Variants in RNF43 observed in about 807,000 individuals in gnomAD.
RNF43 encodes the protein ring finger protein 43, also known as E3 ubiquitin-protein ligase RNF43.
RNF43 carries 37 observed loss-of-function variants against 78.4 expected under a neutral mutation model. That is an observed-to-expected ratio of 0.47 (90% CI 0.36 to 0.62). RNF43 has a LOEUF of 0.62. Ranked by LOEUF, RNF43 falls within the 20% of genes least tolerant of loss-of-function variation. The pLI, the probability that RNF43 is intolerant of heterozygous loss-of-function variation, is 0.00. For missense variants in RNF43, 774 were observed against 1,007.9 expected, an observed-to-expected ratio of 0.77 and a Z score of 3.14; for synonymous variants, 347 against 395.0, an observed-to-expected ratio of 0.88 and a Z score of 1.44.
intron 2 of RNF43, among the ~76,000 whole-genome samples, chr17:58,409,629 T>C (rs1336710795): frequency 6.6e-6 from 1 of 152,096 alleles, no homozygotes; most frequent in Non-Finnish European, 1.5e-5. Context: ...CACCTTAGCC[T>C]CTCACGGTGC....
rs2143365033 is a variant in RNF43, at chr17:58,354,982, T to G, written c.2313A>C (p.Ser771=). The G allele has an allele frequency of 6.2e-7, 1 of 1,613,986 alleles. No individual in the cohort carries two copies. Among genetic ancestry groups the G allele is most frequent in the Non-Finnish European group, 8.5e-7 (1 of 1,179,892 alleles). Residue 771 remains serine, a synonymous_variant, in exon 10 of 10, where the codon TCA becomes TCC. Transcript: ENST00000407977. ...CACACAGCTCCTCGAGTTCCTCCTC[T>G]GAGCCTGTATTTAGAGAGCGGGGAG... The part of the protein sequence containing the change: ...HCQVLSAQPG[S]EEELEELCEQ...
chr17:58,399,643 ATTT>A (rs1370117543), intron 2 of RNF43, among the ~76,000 whole-genome samples: 1 of 142,658 alleles, frequency 7.0e-6, no homozygotes, highest in African/African-American at 2.6e-5. Context: ...AGTAGCAGCA[ATTT>A]TTTTTTTTTT....
intron 8 of RNF43, among the ~76,000 whole-genome samples, chr17:58,359,392 C>T (rs565816576): frequency 6.1e-5 from 9 of 148,300 alleles, no homozygotes; most frequent in Non-Finnish European, 1.2e-4. Flanking sequence ...GTCAGGAGAT[C>T]GAGACCATCC....
At chr17:58,399,007 C>A (rs1027183047) in intron 2 of RNF43, among the ~76,000 whole-genome samples, 1 of 152,216 alleles carries the variant, frequency 6.6e-6, no homozygotes, top group African/African-American at 2.4e-5. Context: ...TCTCCAGGTC[C>A]TCCCCACGCC....
In RNF43 at chr17:58,357,359, G is replaced by T; in HGVS notation, c.2308+109C>A. On this transcript the variant is annotated intron_variant, in intron 9 of 9. Transcript: ENST00000407977. This position sits in a 1 kb window ranked among gnomAD's most constrained non-coding sequence, Gnocchi z 4.5. ...AAGTATTTTGGTTGTCATCTCTGCT[G>T]TATCCTTCTCAGCTTCCATCAACCC... 7.1e-7 allele frequency: 1 copy of T among 1,401,796 alleles called. No individual in the cohort carries two copies. The allele number at this position is 1,401,796 out of a possible 1,614,324, so 86.8% of individuals were successfully genotyped here.
downstream of RNF43, chr17:58,352,942 C>T (rs1408621897): frequency 2.3e-5 from 5 of 214,586 alleles, no homozygotes; most frequent in African/African-American, 1.1e-4. Flanking sequence ...ACCACCACCC[C>T]TACCAAACCT....
intron 2 of RNF43, chr17:58,402,623 T>A (rs906192075): frequency 6.6e-6 from 1 of 152,200 alleles, no homozygotes; most frequent in Non-Finnish European, 1.5e-5. Context: ...AAATATTCAA[T>A]GAATCATTGT....
chr17:58,357,012 G>A lies in RNF43; in HGVS notation c.2308+456C>T, dbSNP rs1972697786. On this transcript the variant is annotated intron_variant, in intron 9 of 9. Transcript: ENST00000407977. This position sits in a 1 kb window ranked among gnomAD's most constrained non-coding sequence, Gnocchi z 4.5. Reference sequence around the variant, plus strand: ...AGGTTCACGCGATTCTCCTGCCTCAGCCTCCTGAGTAGCTGGGATTATAAG... The same window carrying A: ...AGGTTCACGCGATTCTCCTGCCTCAACCTCCTGAGTAGCTGGGATTATAAG... 3.7e-6 allele frequency: 2 copies of A among 540,764 alleles called. No homozygotes were observed. Among genetic ancestry groups the A allele is most frequent in the Admixed American group, 3.2e-5 (1 of 31,524 alleles). 33.5% of individuals were successfully genotyped at this position (540,764 alleles called of 1,614,324 possible).
intron 2 of RNF43, among the ~76,000 whole-genome samples, chr17:58,403,182 A>T (rs1973838874): frequency 6.6e-6 from 1 of 152,210 alleles, no homozygotes. Context: ...ACTGAGGCAC[A>T]TCCAACCAAG....
intron 2 of RNF43, among the ~76,000 whole-genome samples, chr17:58,372,675 G>A (rs1457819278): frequency 6.6e-6 from 1 of 152,216 alleles, no homozygotes; most frequent in African/African-American, 2.4e-5. Flanking sequence ...AACACATCGT[G>A]ATGTTACAAT....
Position 58,357,500 on chromosome 17 carries a change from T to C in RNF43, c.2276A>G (p.Tyr759Cys), listed in dbSNP as rs1450476536. 2 of 1,614,098 alleles carry C rather than the reference T, an allele frequency of 1.2e-6. No individual in the cohort carries two copies. The highest frequency in any genetic ancestry group is 1.7e-5 in the Admixed American group (1 of 60,010). ...GGCCGACAGCACCTGGCAGTGCGGA[T>C]AAGGGCATGGCCTGCCCTCTGCGGT... ...SDTAEGRPCP[Y>C]PHCQVLSAQP... is the part of the protein sequence containing the mutation. Residue 759 changes from tyrosine (Y) to cysteine (C), a missense_variant, in exon 9 of 10, where the codon TAT becomes TGT. Physicochemically the swap from Tyr to Cys is radical, Grantham distance 194 (BLOSUM62 -2). Coordinates refer to ENST00000407977, the MANE Select transcript of RNF43 (RefSeq NM_017763.6). The surrounding 1 kb of genome is among the most constrained non-coding windows in gnomAD (Gnocchi z 4.5).
In RNF43 at chr17:58,357,327, G is replaced by T. The variant is rs553850512; in HGVS notation, c.2308+141C>A. The T allele has an allele frequency of 9.4e-7, 1 of 1,060,492 alleles. No homozygotes were observed. Among genetic ancestry groups the T allele is most frequent in the Non-Finnish European group, 1.4e-6 (1 of 696,452 alleles). 65.7% of individuals were successfully genotyped at this position (1,060,492 alleles called of 1,614,324 possible). ...TCTAGCCAGCATGATACGCTGTCCC[G>T]ATGGTTAAGTATTTTGGTTGTCATC... On this transcript the variant is annotated intron_variant, in intron 9 of 9. Coordinates refer to ENST00000407977, the MANE Select transcript of RNF43 (RefSeq NM_017763.6). The surrounding 1 kb of genome is among the most constrained non-coding windows in gnomAD (Gnocchi z 4.5).
At chr17:58,409,369 G>A (rs1973977063) in intron 2 of RNF43, among the ~76,000 whole-genome samples, 1 of 151,840 alleles carries the variant, frequency 6.6e-6, no homozygotes, top group South Asian at 2.1e-4. Flanking sequence ...ACCAATTCTG[G>A]TTCCTAACAG....
In RNF43 at chr17:58,358,173, A is replaced by C. The variant is rs1235208804; in HGVS notation, c.1603T>G (p.Ser535Ala). 6.8e-6 allele frequency: 11 copies of C among 1,612,444 alleles called. No homozygotes were observed. Among genetic ancestry groups the C allele is most frequent in the African/African-American group, 1.3e-5 (1 of 74,940 alleles). ...TGGGTTTCCCCTGTGGGCACCACCGAGTCCAAGGAACGAGGCCGAGAGGTC... is the reference window on the plus strand; with the variant it reads ...TGGGTTTCCCCTGTGGGCACCACCGCGTCCAAGGAACGAGGCCGAGAGGTC... ...SVTSRPRSLDSVVPTGETQVS... is the reference protein window; with the variant it reads ...SVTSRPRSLDAVVPTGETQVS... The change falls in exon 9 of 10, where the codon TCG becomes GCG. Residue 535 changes from serine to alanine, a missense_variant. Physicochemically the swap from Ser to Ala is moderately conservative, Grantham distance 99. Transcript: ENST00000407977. This position sits in a 1 kb window ranked among gnomAD's most constrained non-coding sequence, Gnocchi z 6.2.
chr17:58,394,197 C>G (rs917603720), intron 2 of RNF43, among the ~76,000 whole-genome samples: 1 of 152,140 alleles, frequency 6.6e-6, no homozygotes, highest in African/African-American at 2.4e-5. Context: ...AATTAGAAAT[C>G]TTGGTTGCAA....
chr17:58,384,264 C>T (rs775858923), intron 2 of RNF43, among the ~76,000 whole-genome samples: 4 of 152,156 alleles, frequency 2.6e-5, no homozygotes, highest in African/African-American at 4.8e-5. Context: ...AGTTCCTGTT[C>T]GCATTTGTCA....
chr17:58,374,349 A>G (rs1373627925), intron 2 of RNF43, among the ~76,000 whole-genome samples: 1 of 151,802 alleles, frequency 6.6e-6, no homozygotes, highest in Non-Finnish European at 1.5e-5. Flanking sequence ...TAAAATGTTG[A>G]TGGTGACCCC....
chr17:58,365,743 T>G (rs1972934513), intron 3 of RNF43, among the ~76,000 whole-genome samples: 1 of 151,958 alleles, frequency 6.6e-6, no homozygotes, highest in African/African-American at 2.4e-5. Flanking sequence ...AGGAAAAAAG[T>G]ACTTATTTGG....
At chr17:58,410,266 T>G (rs1395255915) in intron 2 of RNF43, among the ~76,000 whole-genome samples, 2 of 152,202 alleles carry the variant, frequency 1.3e-5, no homozygotes, top group African/African-American at 4.8e-5. Context: ...TGCAGCTTCC[T>G]TCTATTCTGT....
Sources: allele counts gnomAD v4.1 joint callset (sites outside exome capture counted in the v4.1 genomes callset), GRCh38; gene constraint gnomAD v4.1.1; non-coding constraint Gnocchi (gnomAD v3.1); transcripts MANE v1.5; gene names NCBI Gene and HGNC (gene_info 2026-07-23, HGNC 2026-07-21).